Variants in TNFAIP8L3 observed in about 807,000 individuals in gnomAD.
The protein encoded by TNFAIP8L3 is tumor necrosis factor alpha-induced protein 8-like protein 3.
TNFAIP8L3 carries 7 observed loss-of-function variants against 11.8 expected under a neutral mutation model. The ratio of observed to expected loss-of-function variants is 0.59; its 90% CI spans 0.34 to 1.11. The LOEUF is 1.11. Ranked by LOEUF, TNFAIP8L3 falls within the 50% of genes most tolerant of loss-of-function variation. TNFAIP8L3 has a pLI of 0.03. For missense variants in TNFAIP8L3, 219 were observed against 258.6 expected, an observed-to-expected ratio of 0.85 and a Z score of 1.05; for synonymous variants, 98 against 103.8, an observed-to-expected ratio of 0.94 and a Z score of 0.34.
chr15:51,070,822 G>A (rs375458026), intron 1 of TNFAIP8L3, among the ~76,000 whole-genome samples: 1 of 151,430 alleles, frequency 6.6e-6, no homozygotes, highest in African/African-American at 2.4e-5. Flanking sequence ...CAAGGCGGGC[G>A]GATCACGAGG....
chr15:51,059,508 C>T (rs2065229087), intron 1 of TNFAIP8L3, among the ~76,000 whole-genome samples: 1 of 152,182 alleles, frequency 6.6e-6, no homozygotes, highest in Non-Finnish European at 1.5e-5. Context: ...GAGCTGACAT[C>T]TGAAATGAAA....
At chr15:51,102,328 T>G (rs2065559706) in intron 1 of TNFAIP8L3, among the ~76,000 whole-genome samples, 1 of 152,228 alleles carries the variant, frequency 6.6e-6, no homozygotes, top group Non-Finnish European at 1.5e-5. Context: ...AAGGGAAAAT[T>G]GAGTCTCCTA....
chr15:51,100,132 T>G (rs1478543841), intron 1 of TNFAIP8L3, among the ~76,000 whole-genome samples: 3 of 152,240 alleles, frequency 2.0e-5, no homozygotes, highest in African/African-American at 7.2e-5. Context: ...TTATTTGACT[T>G]GGGATGTATC....
In TNFAIP8L3 at chr15:51,081,092, G is replaced by A. The variant is rs569608688; in HGVS notation, c.52+13452C>T. On this transcript the variant is annotated intron_variant, in intron 1 of 1. Transcript: ENST00000637513. Reference sequence around the variant, plus strand: ...GCTTCGTGACTTAACTCCAGGAATGGCCACAAGACTTGGCTTTTTCACTGC... The same window carrying A: ...GCTTCGTGACTTAACTCCAGGAATGACCACAAGACTTGGCTTTTTCACTGC... Among the ~76,000 whole-genome samples the A allele has an allele frequency of 3.3e-5, 5 of 152,276 alleles. No individual in the cohort carries two copies. The East Asian group carries it at 7.7e-4, about 24-fold the overall frequency.
chr15:51,076,997 C>G (rs546707219), intron 1 of TNFAIP8L3, among the ~76,000 whole-genome samples: 2 of 152,288 alleles, frequency 1.3e-5, no homozygotes, highest in Admixed American at 6.5e-5. Context: ...CTGCCGCCCC[C>G]CATTCTACTC....
At chr15:51,087,987 T>A (rs532221208) in intron 1 of TNFAIP8L3, among the ~76,000 whole-genome samples, 5 of 142,994 alleles carry the variant, frequency 3.5e-5, no homozygotes, top group African/African-American at 1.3e-4. Context: ...TTTTTTGGAT[T>A]GGATTTTTAG....
At chr15:51,091,172 G>C (rs1225285090) in intron 1 of TNFAIP8L3, among the ~76,000 whole-genome samples, 1 of 152,182 alleles carries the variant, frequency 6.6e-6, no homozygotes, top group Non-Finnish European at 1.5e-5. Flanking sequence ...GCAGCACAAT[G>C]ACATAGAAGC....
At chr15:51,077,431 C>A (rs1360008154) in intron 1 of TNFAIP8L3, among the ~76,000 whole-genome samples, 9 of 152,242 alleles carry the variant, frequency 5.9e-5, no homozygotes, top group South Asian at 2.1e-4. Flanking sequence ...TCTCATCCCG[C>A]TTTGCTCAGC....
chr15:51,084,293 C>T (rs936381080), intron 1 of TNFAIP8L3, among the ~76,000 whole-genome samples: 1 of 152,042 alleles, frequency 6.6e-6, no homozygotes, highest in Admixed American at 6.5e-5. Flanking sequence ...TGAACATTTC[C>T]CTATATCATC....
At chr15:51,063,211 CAG>C (rs1567286517) in intron 1 of TNFAIP8L3, among the ~76,000 whole-genome samples, 1 of 152,170 alleles carries the variant, frequency 6.6e-6, no homozygotes, top group East Asian at 1.9e-4. Flanking sequence ...TAATTTGTTA[CAG>C]CAGCAATAGG....
At chr15:51,079,855 C>CAAAAAAAAAAAAAAAAAAAAA (rs10602536) in intron 1 of TNFAIP8L3, among the ~76,000 whole-genome samples, 10 of 77,584 alleles carry the variant, frequency 1.3e-4, no homozygotes, top group African/African-American at 2.1e-4. Context: ...GACTTTGTCT[C>CAAAAAAAAAAAAAAAAAAAAA]AAAAAAAAAA....
intron 1 of TNFAIP8L3, among the ~76,000 whole-genome samples, chr15:51,082,552 C>A (rs2065399782): frequency 6.6e-6 from 1 of 152,112 alleles, no homozygotes; most frequent in Admixed American, 6.5e-5. Flanking sequence ...AAACATTTTT[C>A]TTTCTTCAGT....
intron 1 of TNFAIP8L3, among the ~76,000 whole-genome samples, chr15:51,079,341 A>G (rs1389409868): frequency 6.6e-6 from 1 of 152,200 alleles, no homozygotes; most frequent in East Asian, 1.9e-4. Context: ...CACCTTGTGG[A>G]GCAATCAGTC....
intron 1 of TNFAIP8L3, among the ~76,000 whole-genome samples, chr15:51,059,731 C>T (rs1421244208): frequency 6.6e-6 from 1 of 152,214 alleles, no homozygotes; most frequent in Non-Finnish European, 1.5e-5. Flanking sequence ...CTAAGAAAAA[C>T]CAATATTCCT....
intron 1 of TNFAIP8L3, among the ~76,000 whole-genome samples, chr15:51,066,072 G>A (rs531235568): frequency 6.6e-4 from 99 of 149,400 alleles, no homozygotes; most frequent in Non-Finnish European, 1.2e-3. Flanking sequence ...ATTGTTAGGG[G>A]GAAAAAAAAA....
chr15:51,089,259 C>T (rs1479133107), intron 1 of TNFAIP8L3, among the ~76,000 whole-genome samples: 1 of 152,204 alleles, frequency 6.6e-6, no homozygotes, highest in African/African-American at 2.4e-5. Flanking sequence ...ACCCACCTAC[C>T]TATTCAGCCA....
At chr15:51,077,489 A>G (rs895786626) in intron 1 of TNFAIP8L3, among the ~76,000 whole-genome samples, 5 of 152,118 alleles carry the variant, frequency 3.3e-5, no homozygotes, top group Non-Finnish European at 7.4e-5. Flanking sequence ...CCCCGCTCCC[A>G]TCTTATGCAA....
chr15:51,094,857 C>T lies in TNFAIP8L3; in HGVS notation c.-262G>A, dbSNP rs909381794. ...GAGGGTGGGGCGCTCCGGGAGACAG[C>T]CGGGAGGAGGGAGGGGAGGCGCGAG... On this transcript the variant is annotated 5_prime_UTR_variant, in exon 1 of 2. Transcript: ENST00000637513. This position sits in a 1 kb window ranked among gnomAD's most constrained non-coding sequence, Gnocchi z 4.4. Among the ~76,000 whole-genome samples, 38 of 150,954 alleles carry T rather than the reference C, an allele frequency of 2.5e-4. No individual in the cohort carries two copies. The highest frequency in any genetic ancestry group is 5.3e-4 in the Non-Finnish European group (36 of 67,718).
intron 1 of TNFAIP8L3, among the ~76,000 whole-genome samples, chr15:51,101,957 AAAAAAAAGAAAAG>A (rs1439846622): frequency 6.6e-6 from 1 of 151,740 alleles, no homozygotes; most frequent in East Asian, 1.9e-4. Flanking sequence ...AAAAAAAAAA[AAAAAAAAGAAAAG>A]AAAAAGAAAA....
Sources: allele counts gnomAD v4.1 joint callset (sites outside exome capture counted in the v4.1 genomes callset), GRCh38; gene constraint gnomAD v4.1.1; non-coding constraint Gnocchi (gnomAD v3.1); transcripts MANE v1.5; gene names NCBI Gene and HGNC (gene_info 2026-07-23, HGNC 2026-07-21).